Variants in CIRSR observed in about 807,000 individuals in gnomAD.
CIRSR encodes the protein CBF1 (RBPJ) interacting corepressor 1.
the CIRSR span, among the ~76,000 whole-genome samples, chr2:174,380,486 A>G: frequency 6.6e-6 from 1 of 152,232 alleles, no homozygotes; most frequent in Non-Finnish European, 1.5e-5. Flanking sequence ...ACAAAAGACT[A>G]TGAGCAAGCA....
the CIRSR span, chr2:174,387,561 G>T: frequency 9.5e-7 from 1 of 1,054,910 alleles, no homozygotes; most frequent in Non-Finnish European, 1.3e-6. Flanking sequence ...AGCCCTCACG[G>T]AAAGACACGA....
chr2:174,372,556 A>C, the CIRSR span, among the ~76,000 whole-genome samples: 1 of 152,178 alleles, frequency 6.6e-6, no homozygotes, highest in Non-Finnish European at 1.5e-5. Context: ...AATATTCTAT[A>C]ATTACTCACT....
chr2:174,362,686 C>CAAA, the CIRSR span, among the ~76,000 whole-genome samples: 86 of 20,672 alleles, frequency 4.2e-3, 12 homozygotes, highest in African/African-American at 8.0e-3. Context: ...GACTCTGCCT[C>CAAA]AAAAAAAAAA....
At chr2:174,350,230 C>CT in the CIRSR span, among the ~76,000 whole-genome samples, 1 of 152,236 alleles carries the variant, frequency 6.6e-6, no homozygotes, top group Non-Finnish European at 1.5e-5. Context: ...TTCTTGGATT[C>CT]TTTTAATTCA....
the CIRSR span, among the ~76,000 whole-genome samples, chr2:174,391,133 A>G: frequency 6.6e-6 from 1 of 152,192 alleles, no homozygotes; most frequent in Non-Finnish European, 1.5e-5. Context: ...GGCACTTAAG[A>G]AATTTCCAGT....
chr2:174,374,724 G>T, the CIRSR span, among the ~76,000 whole-genome samples: 1 of 152,160 alleles, frequency 6.6e-6, no homozygotes, highest in Admixed American at 6.5e-5. Context: ...GTGCTTAACC[G>T]CTAAGTACAT....
the CIRSR span, among the ~76,000 whole-genome samples, chr2:174,367,781 T>TA: frequency 5.7e-3 from 456 of 79,584 alleles, 1 homozygote; most frequent in South Asian, 0.011. Flanking sequence ...TTTGAGTAGA[T>TA]AAAAAAAAAA....
chr2:174,386,931 T>C, the CIRSR span, among the ~76,000 whole-genome samples: 1 of 152,186 alleles, frequency 6.6e-6, no homozygotes, highest in Non-Finnish European at 1.5e-5. Context: ...TAAACTACAC[T>C]TCACACACTT....
the CIRSR span, among the ~76,000 whole-genome samples, chr2:174,383,849 C>CAAAAAAAAAAAAAAAAAAAAAA: frequency 8.2e-6 from 1 of 121,470 alleles, no homozygotes. Flanking sequence ...AGCTATCTTC[C>CAAAAAAAAAAAAAAAAAAAAAA]AAAAAAAAAA....
the CIRSR span, among the ~76,000 whole-genome samples, chr2:174,375,251 T>C: frequency 2.6e-5 from 4 of 152,206 alleles, no homozygotes; most frequent in African/African-American, 9.6e-5. Flanking sequence ...AGGCTTTTGA[T>C]ATATATCAGC....
the CIRSR span, among the ~76,000 whole-genome samples, chr2:174,356,302 C>T: frequency 1.3e-5 from 2 of 151,814 alleles, no homozygotes; most frequent in Admixed American, 1.3e-4. Flanking sequence ...CCTGTCTCTA[C>T]AAAAAATACA....
the CIRSR span, among the ~76,000 whole-genome samples, chr2:174,366,314 C>T: frequency 6.6e-6 from 1 of 152,086 alleles, no homozygotes; most frequent in Non-Finnish European, 1.5e-5. Context: ...TTTCCCAAAA[C>T]TAACGATATA....
At chr2:174,359,934 A>G in the CIRSR span, among the ~76,000 whole-genome samples, 1 of 152,234 alleles carries the variant, frequency 6.6e-6, no homozygotes, top group Non-Finnish European at 1.5e-5. Flanking sequence ...GCTGGAAACC[A>G]TCATTCTGGG....
chr2:174,388,829 G>A, the CIRSR span, among the ~76,000 whole-genome samples: 86 of 152,210 alleles, frequency 5.7e-4, 2 homozygotes, highest in South Asian at 0.017. Flanking sequence ...GGAGGGACCC[G>A]GTGGGATGTA....
chr2:174,363,958 C>T, the CIRSR span, among the ~76,000 whole-genome samples: 1 of 152,160 alleles, frequency 6.6e-6, no homozygotes, highest in Non-Finnish European at 1.5e-5. Context: ...AATGCCTTCC[C>T]AACAGTCCCC....
At chr2:174,361,721 T>G in the CIRSR span, among the ~76,000 whole-genome samples, 2 of 152,358 alleles carry the variant, frequency 1.3e-5, no homozygotes, top group Middle Eastern at 3.4e-3. Flanking sequence ...TTTAAATTGT[T>G]CATTTTCATA....
At chr2:174,349,175 G>A in the CIRSR span, 1 of 1,373,714 alleles carries the variant, frequency 7.3e-7, no homozygotes. Context: ...CTAATTTCCT[G>A]TAATTGGGAA....
the CIRSR span, among the ~76,000 whole-genome samples, chr2:174,394,342 G>C: frequency 6.6e-6 from 1 of 152,106 alleles, no homozygotes; most frequent in African/African-American, 2.4e-5. Context: ...TGCAGAGAAA[G>C]GAAATGTCTG....
At chr2:174,355,443 C>A in the CIRSR span, among the ~76,000 whole-genome samples, 1 of 152,186 alleles carries the variant, frequency 6.6e-6, no homozygotes, top group East Asian at 1.9e-4. Context: ...CAAGCCTTCA[C>A]AGCATTGAAA....
Sources: allele counts gnomAD v4.1 joint callset (sites outside exome capture counted in the v4.1 genomes callset), GRCh38; gene constraint gnomAD v4.1.1; transcripts MANE v1.5; gene names NCBI Gene and HGNC (gene_info 2026-07-23, HGNC 2026-07-21).